The following GPR158 variants were observed in gnomAD, a reference collection of about 807,000 sequenced individuals.
GPR158 encodes G protein-coupled receptor 158.
Under a neutral mutation model 78.2 loss-of-function variants are expected in GPR158, and 30 were observed. That is an observed-to-expected ratio of 0.38 (90% CI 0.29 to 0.52). GPR158 has a LOEUF of 0.52. Ranked by LOEUF, GPR158 falls within the 20% of genes least tolerant of loss-of-function variation. The pLI, the probability that GPR158 is intolerant of heterozygous loss-of-function variation, is 0.83. For synonymous variants in GPR158, 581 were observed against 591.1 expected (o/e 0.98, Z 0.25); for missense variants, 1,463 against 1,523.5 (o/e 0.96, Z 0.66).
chr10:25,549,166 C>A (rs1046217366), intron 5 of GPR158, among the ~76,000 whole-genome samples: 1 of 152,044 alleles, frequency 6.6e-6, no homozygotes, highest in Non-Finnish European at 1.5e-5. Context: ...GACTTCAGAC[C>A]CCCGTATGTG....
At chr10:25,218,877 A>G (rs370636170) in intron 1 of GPR158, among the ~76,000 whole-genome samples, 76 of 150,808 alleles carry the variant, frequency 5.0e-4, no homozygotes, top group African/African-American at 1.8e-3. Flanking sequence ...TTTGTATAGT[A>G]TAATTTAATC....
intron 2 of GPR158, among the ~76,000 whole-genome samples, chr10:25,237,873 T>G (rs915275311): frequency 6.6e-6 from 1 of 152,112 alleles, no homozygotes; most frequent in Non-Finnish European, 1.5e-5. Flanking sequence ...ATAATCAATT[T>G]TCACCTTTCC....
chr10:25,297,414 A>C (rs1854531579), intron 2 of GPR158, among the ~76,000 whole-genome samples: 1 of 139,610 alleles, frequency 7.2e-6, no homozygotes, highest in African/African-American at 2.4e-5. Context: ...CAGGTGTGTA[A>C]GTATCATTTC....
intron 2 of GPR158, among the ~76,000 whole-genome samples, chr10:25,356,206 A>G (rs972132078): frequency 6.6e-6 from 1 of 152,022 alleles, no homozygotes; most frequent in Non-Finnish European, 1.5e-5. Flanking sequence ...TGATTTTCTT[A>G]CCATGTACTC....
At chr10:25,401,994 C>G (rs1289250146) in intron 3 of GPR158, among the ~76,000 whole-genome samples, 1 of 152,078 alleles carries the variant, frequency 6.6e-6, no homozygotes, top group Admixed American at 6.6e-5. Context: ...CTAAGTATCT[C>G]TCCACAAATT....
intron 2 of GPR158, among the ~76,000 whole-genome samples, chr10:25,281,240 G>GA (rs1303278972): frequency 4.0e-5 from 6 of 149,548 alleles, no homozygotes; most frequent in East Asian, 2.0e-4. Context: ...ACTGGTTAAA[G>GA]AAAAAAAAAG....
At chr10:25,558,907 A>T (rs1253038071) in intron 6 of GPR158, among the ~76,000 whole-genome samples, 2 of 152,212 alleles carry the variant, frequency 1.3e-5, no homozygotes, top group Non-Finnish European at 2.9e-5. Context: ...TTTGAAGCCC[A>T]GAATATGGTC....
chr10:25,550,462 G>T (rs11817700), intron 5 of GPR158, among the ~76,000 whole-genome samples: 24,491 of 152,004 alleles, frequency 0.16, 4,222 homozygotes, highest in African/African-American at 0.43. Context: ...ATTGCCAGAA[G>T]TGTGGAGGTG....
At chr10:25,503,133 A>G (rs1463398823) in intron 5 of GPR158, among the ~76,000 whole-genome samples, 1 of 151,704 alleles carries the variant, frequency 6.6e-6, no homozygotes, top group Non-Finnish European at 1.5e-5. Context: ...TCCCAGCACT[A>G]TGGGAGGATC....
At chr10:25,453,475 T>G (rs1278462055) in intron 4 of GPR158, among the ~76,000 whole-genome samples, 2 of 152,184 alleles carry the variant, frequency 1.3e-5, no homozygotes, top group Non-Finnish European at 2.9e-5. Context: ...TTTGTTTTTC[T>G]TCATTTCTCT....
intron 2 of GPR158, among the ~76,000 whole-genome samples, chr10:25,394,715 A>AC (rs1459188351): frequency 6.6e-6 from 1 of 152,176 alleles, no homozygotes; most frequent in Non-Finnish European, 1.5e-5. Context: ...TCCTTTAGAG[A>AC]GCTCTTTTTC....
At chr10:25,219,648 T>G (rs1853270518) in intron 1 of GPR158, among the ~76,000 whole-genome samples, 1 of 152,170 alleles carries the variant, frequency 6.6e-6, no homozygotes, top group Non-Finnish European at 1.5e-5. Context: ...ATGTAGGCAC[T>G]AGGTAATGTA....
chr10:25,449,577 C>T (rs1024604059), intron 4 of GPR158, among the ~76,000 whole-genome samples: 2 of 152,094 alleles, frequency 1.3e-5, no homozygotes, highest in Non-Finnish European at 2.9e-5. Flanking sequence ...GAGAGTAGAA[C>T]AGTGGTTACC....
Position 25,221,070 on chromosome 10 carries a change from C to A in GPR158, c.921C>A (p.Asp307Glu). Reference protein sequence around the residue: ...VPEFRGVMKVDINLQKVDIDQ... With the variant: ...VPEFRGVMKVEINLQKVDIDQ... ...TTTCTAGGGGTGTCATGAAAGTTGA[C>A]ATAAATCTTCAGAAAGTGGACATTG... Residue 307 changes from aspartate (D) to glutamate (E), a missense_variant, in exon 2 of 11, where the codon GAC becomes GAA. Physicochemically the swap from Asp to Glu is conservative, Grantham distance 45. Coordinates refer to ENST00000376351, the MANE Select transcript of GPR158 (RefSeq NM_020752.3). The A allele has an allele frequency of 6.3e-7, 1 of 1,577,066 alleles. No individual in the cohort carries two copies. Among genetic ancestry groups the A allele is most frequent in the Non-Finnish European group, 8.7e-7 (1 of 1,149,518 alleles).
At chr10:25,357,177 C>T (rs758763635) in intron 2 of GPR158, among the ~76,000 whole-genome samples, 1 of 151,994 alleles carries the variant, frequency 6.6e-6, no homozygotes, top group Non-Finnish European at 1.5e-5. Flanking sequence ...TCTAAGCAGC[C>T]AGGCATTCAA....
intron 1 of GPR158, among the ~76,000 whole-genome samples, chr10:25,208,313 G>A (rs1361789188): frequency 6.6e-6 from 1 of 152,036 alleles, no homozygotes; most frequent in African/African-American, 2.4e-5. Context: ...GAAATGCAAA[G>A]TTTTGAAAAA....
chr10:25,401,142 T>G (rs1834440238), intron 3 of GPR158, among the ~76,000 whole-genome samples: 1 of 152,106 alleles, frequency 6.6e-6, no homozygotes, highest in Non-Finnish European at 1.5e-5. Flanking sequence ...GACATTTGCT[T>G]TCTGTAGACT....
At chr10:25,527,393 A>G (rs1057288657) in intron 5 of GPR158, among the ~76,000 whole-genome samples, 5 of 152,226 alleles carry the variant, frequency 3.3e-5, no homozygotes, top group Non-Finnish European at 5.9e-5. Context: ...TAAAAAAAGA[A>G]TATCCTATGA....
intron 2 of GPR158, among the ~76,000 whole-genome samples, chr10:25,326,684 G>T (rs945637955): frequency 6.6e-6 from 1 of 152,128 alleles, no homozygotes; most frequent in Admixed American, 6.5e-5. Context: ...CTATCATACA[G>T]CATGGTGACT....
Sources: allele counts gnomAD v4.1 joint callset (sites outside exome capture counted in the v4.1 genomes callset), GRCh38; gene constraint gnomAD v4.1.1; transcripts MANE v1.5; gene names NCBI Gene and HGNC (gene_info 2026-07-23, HGNC 2026-07-21).